Variants in ADGRB3 observed in about 807,000 individuals in gnomAD.
ADGRB3 encodes adhesion G protein-coupled receptor B3.
In ADGRB3, 37 loss-of-function variants were observed where a neutral mutation model predicts 193.4. That is an observed-to-expected ratio of 0.19 (90% confidence interval 0.15 to 0.25). ADGRB3 has a LOEUF of 0.25. Ranked by LOEUF, ADGRB3 falls within the 10% of genes least tolerant of loss-of-function variation. The probability of loss-of-function intolerance (pLI) is 1.00; values close to 1 mark genes in which losing one functional copy is unlikely to be tolerated. For missense variants in ADGRB3, 1,637 were observed against 1,852.9 expected (o/e 0.88, Z 2.14); for synonymous variants, 690 against 644.2 (o/e 1.07, Z -1.08).
intron 20 of ADGRB3, among the ~76,000 whole-genome samples, chr6:69,265,773 C>G (rs1267243574): frequency 2.0e-5 from 3 of 151,928 alleles, no homozygotes; most frequent in South Asian, 2.1e-4. Flanking sequence ...TACATGTGTC[C>G]TGAAGCATAT....
chr6:69,048,881 A>G (rs558780952), intron 14 of ADGRB3, among the ~76,000 whole-genome samples: 173 of 152,304 alleles, frequency 1.1e-3, no homozygotes, highest in African/African-American at 4.1e-3. Context: ...TTAAGTTTTT[A>G]GAACATTTTT....
chr6:69,005,606 G>A lies in ADGRB3; in HGVS notation c.1930-8432G>A, dbSNP rs904570067. ...ATTACAGGCGTACGCCACCATTCCC[G>A]GCCGACCTAGTGAGTATTAGGATAT... On this transcript the variant is annotated intron_variant, in intron 11 of 31. Transcript: ENST00000370598. Among the ~76,000 whole-genome samples, 16 of 151,922 alleles carry A rather than the reference G, an allele frequency of 1.1e-4. 1 individual carries two copies. The highest frequency in any genetic ancestry group is 7.9e-4 in the Admixed American group (12 of 15,252).
At chr6:69,256,413 C>T (rs923588247) in intron 20 of ADGRB3, among the ~76,000 whole-genome samples, 7 of 152,094 alleles carry the variant, frequency 4.6e-5, no homozygotes, top group Admixed American at 1.3e-4. Flanking sequence ...TGAAGAGGTC[C>T]TTCACGTCCC....
chr6:69,056,994 A>T (rs1771562777), intron 15 of ADGRB3, among the ~76,000 whole-genome samples: 2 of 152,148 alleles, frequency 1.3e-5, no homozygotes, highest in Non-Finnish European at 2.9e-5. Flanking sequence ...GCTTTGGGTA[A>T]TATGGACATT....
At chr6:68,790,448 C>T (rs1767078442) in intron 3 of ADGRB3, among the ~76,000 whole-genome samples, 1 of 152,182 alleles carries the variant, frequency 6.6e-6, no homozygotes, top group Admixed American at 6.5e-5. Flanking sequence ...TGGTGGTTCT[C>T]CCAGCACGCA....
chr6:69,325,287 C>G (rs1768543568), intron 21 of ADGRB3, among the ~76,000 whole-genome samples: 9 of 151,958 alleles, frequency 5.9e-5, no homozygotes, highest in Admixed American at 5.9e-4. Context: ...TGCCTACACA[C>G]AGAAAAACAG....
rs377077866 is a variant in ADGRB3 at position 68,639,475 on chromosome 6, T to C, written c.757+43T>C. ...GGGAAGGTGAGCGGGGGAGCACTTT[T>C]GGGGGATGGAGTTAAAACGTGCTGT... is the stretch of plus-strand genomic sequence containing the variant. On this transcript the variant is annotated intron_variant, in intron 3 of 31. Coordinates refer to ENST00000370598, the MANE Select transcript of ADGRB3 (RefSeq NM_001704.3). The C allele has an allele frequency of 1.0e-3, 1,562 of 1,525,100 alleles. 11 individuals are homozygous for C. The highest frequency in any genetic ancestry group is 6.3e-4 in the Non-Finnish European group (714 of 1,141,638). The allele number at this position is 1,525,100 out of a possible 1,614,324, so 94.5% of individuals were successfully genotyped here. A position where few individuals can be genotyped will look rare whatever the true frequency, so the allele number is the denominator to read the frequency against.
At chr6:68,731,209 A>G (rs955028455) in intron 3 of ADGRB3, among the ~76,000 whole-genome samples, 1 of 151,684 alleles carries the variant, frequency 6.6e-6, no homozygotes, top group Non-Finnish European at 1.5e-5. Context: ...TCTATATCTA[A>G]TTATTTTACC....
chr6:68,785,521 G>A (rs867760083), intron 3 of ADGRB3, among the ~76,000 whole-genome samples: 10 of 152,020 alleles, frequency 6.6e-5, no homozygotes, highest in Middle Eastern at 3.4e-3. Flanking sequence ...ATTCCATGGT[G>A]TATATGTGCC....
intron 17 of ADGRB3, among the ~76,000 whole-genome samples, chr6:69,120,602 T>G (rs1453618772): frequency 1.3e-5 from 2 of 152,206 alleles, no homozygotes; most frequent in Non-Finnish European, 2.9e-5. Context: ...AATCAAACAA[T>G]GCATGTTAAT....
chr6:68,653,953 A>G (rs1284400128), intron 3 of ADGRB3, among the ~76,000 whole-genome samples: 1 of 148,842 alleles, frequency 6.7e-6, no homozygotes, highest in Non-Finnish European at 1.5e-5. Flanking sequence ...CTTTTTTTTG[A>G]TACATAGGCT....
chr6:68,839,388 T>C (rs971680466), intron 3 of ADGRB3, among the ~76,000 whole-genome samples: 3 of 152,218 alleles, frequency 2.0e-5, no homozygotes, highest in Admixed American at 6.5e-5. Context: ...CATTATGTAG[T>C]GTCAAAAGAG....
At chr6:68,873,845 A>G (rs1230368940) in intron 3 of ADGRB3, among the ~76,000 whole-genome samples, 1 of 152,074 alleles carries the variant, frequency 6.6e-6, no homozygotes, top group Non-Finnish European at 1.5e-5. Context: ...TATATTACAT[A>G]TCCCTAAAGG....
chr6:68,780,758 T>C (rs1766837047), intron 3 of ADGRB3, among the ~76,000 whole-genome samples: 1 of 152,106 alleles, frequency 6.6e-6, no homozygotes, highest in Non-Finnish European at 1.5e-5. Flanking sequence ...AGAGTTCCCT[T>C]GTATTCTTCA....
chr6:68,784,737 A>T (rs150251712), intron 3 of ADGRB3, among the ~76,000 whole-genome samples: 3,509 of 152,246 alleles, frequency 0.023, 67 homozygotes, highest in South Asian at 0.075. Flanking sequence ...CAGATGAAAA[A>T]TTATTTTCCT....
At chr6:68,932,726 AG>A (rs1291679461) in intron 4 of ADGRB3, among the ~76,000 whole-genome samples, 9 of 151,970 alleles carry the variant, frequency 5.9e-5, no homozygotes, top group Middle Eastern at 3.5e-3. Context: ...GCCAGAAAAA[AG>A]ACTGTAACAT....
intron 3 of ADGRB3, among the ~76,000 whole-genome samples, chr6:68,752,208 G>A (rs1766212288): frequency 6.6e-6 from 1 of 151,564 alleles, no homozygotes; most frequent in Non-Finnish European, 1.5e-5. Context: ...TTAGTTACTT[G>A]GTTAAGATAG....
At chr6:69,007,697 A>T (rs62418307) in intron 11 of ADGRB3, among the ~76,000 whole-genome samples, 7,130 of 49,504 alleles carry the variant, frequency 0.14, 182 homozygotes, top group Middle Eastern at 0.25. Flanking sequence ...TCTCTCTCAC[A>T]CACACACACA....
chr6:69,210,753 G>T (rs959204509), intron 17 of ADGRB3, among the ~76,000 whole-genome samples: 2 of 152,038 alleles, frequency 1.3e-5, no homozygotes, highest in Non-Finnish European at 2.9e-5. Flanking sequence ...TTCAACATGC[G>T]TTTTGGAGGG....
Sources: allele counts gnomAD v4.1 joint callset (sites outside exome capture counted in the v4.1 genomes callset), GRCh38; gene constraint gnomAD v4.1.1; transcripts MANE v1.5; gene names NCBI Gene and HGNC (gene_info 2026-07-23, HGNC 2026-07-21).